CCDC13: variants seen among roughly 807,000 people sequenced by gnomAD.
CCDC13 encodes coiled-coil domain containing 13.
Under a neutral mutation model 87.3 loss-of-function variants are expected in CCDC13, and 70 were observed. That is an observed-to-expected ratio of 0.80 (90% CI 0.66 to 0.98). The LOEUF (loss-of-function observed/expected upper bound fraction) is 0.98, where lower values mean the gene tolerates loss of function less well. Among genes scored for constraint, CCDC13 ranks in the 50% least tolerant of loss-of-function variants. The probability of loss-of-function intolerance (pLI) is 0.00; values close to 1 mark genes in which losing one functional copy is unlikely to be tolerated. For missense variants in CCDC13, 842 were observed against 892.0 expected, an observed-to-expected ratio of 0.94 and a Z score of 0.71; for synonymous variants, 317 against 360.3, an observed-to-expected ratio of 0.88 and a Z score of 1.36.
At chr3:42,727,076 T>C (rs1454192078) in intron 13 of CCDC13, among the ~76,000 whole-genome samples, 1 of 152,024 alleles carries the variant, frequency 6.6e-6, no homozygotes, top group Non-Finnish European at 1.5e-5. Flanking sequence ...AATAAAGACA[T>C]TTAAAAATAA....
At chr3:42,764,126 T>G (rs779868066) in intron 1 of CCDC13, among the ~76,000 whole-genome samples, 1 of 152,202 alleles carries the variant, frequency 6.6e-6, no homozygotes, top group African/African-American at 2.4e-5. Flanking sequence ...GTTTTGATCA[T>G]GCAAATGAAG....
At chr3:42,744,280 A>T (rs1468743125) in intron 7 of CCDC13, among the ~76,000 whole-genome samples, 1 of 152,194 alleles carries the variant, frequency 6.6e-6, no homozygotes, top group Non-Finnish European at 1.5e-5. Flanking sequence ...CACCCTTATA[A>T]CGCTAGGGTA....
At chr3:42,767,532 G>T (rs772364034) in intron 1 of CCDC13, among the ~76,000 whole-genome samples, 2 of 152,166 alleles carry the variant, frequency 1.3e-5, no homozygotes, top group Non-Finnish European at 2.9e-5. Flanking sequence ...TAGATTCAAT[G>T]CAATTGCAAT....
intron 2 of CCDC13, 61 bp downstream of exon 2, chr3:42,758,062 TAC>T (rs3076826): frequency 0.17 from 163,450 of 984,496 alleles, 2,112 homozygotes; most frequent in East Asian, 0.27. Context: ...GCTCCGGTGG[TAC>T]ACACACACAC....
At chr3:42,729,222 TGAGA>T (rs1160455616) in intron 13 of CCDC13, among the ~76,000 whole-genome samples, 1 of 152,170 alleles carries the variant, frequency 6.6e-6, no homozygotes, top group African/African-American at 2.4e-5. Flanking sequence ...TCAAGAGAAA[TGAGA>T]GAGAAAGCCT....
chr3:42,761,872 C>A (rs928945777), intron 1 of CCDC13, among the ~76,000 whole-genome samples: 1 of 152,200 alleles, frequency 6.6e-6, no homozygotes, highest in Non-Finnish European at 1.5e-5. Flanking sequence ...TCCTCCTACA[C>A]CCAGCATGAA....
intron 10 of CCDC13, among the ~76,000 whole-genome samples, chr3:42,735,024 C>T (rs535938258): frequency 6.6e-6 from 1 of 152,344 alleles, no homozygotes; most frequent in Admixed American, 6.5e-5. Context: ...AAAATGACTA[C>T]ACAGCGTGAG....
At chr3:42,712,342 C>T (rs970807252) in intron 14 of CCDC13, among the ~76,000 whole-genome samples, 4 of 152,138 alleles carry the variant, frequency 2.6e-5, no homozygotes, top group African/African-American at 9.7e-5. Context: ...GAGACCCTTC[C>T]TCCCTGGGAG....
intron 13 of CCDC13, chr3:42,718,973 T>G (rs1219651653): frequency 2.6e-5 from 4 of 151,900 alleles, no homozygotes; most frequent in Admixed American, 6.6e-5. Flanking sequence ...AAAACAAAGA[T>G]GCTTGACTGA....
intron 13 of CCDC13, among the ~76,000 whole-genome samples, chr3:42,724,593 T>A (rs1166437555): frequency 6.6e-6 from 1 of 152,236 alleles, no homozygotes; most frequent in Admixed American, 6.5e-5. Context: ...AATTTGTCAA[T>A]GTATTTGATT....
intron 7 of CCDC13, 117 bp from the exon 8 acceptor site, chr3:42,743,174 G>A (rs1699276246): frequency 1.7e-6 from 2 of 1,178,704 alleles, no homozygotes; most frequent in South Asian, 1.5e-5. Context: ...GATGGCTGTG[G>A]TAGCCCCATC....
intron 13 of CCDC13, chr3:42,714,152 A>G (rs1476652353): frequency 6.6e-6 from 1 of 152,252 alleles, no homozygotes; most frequent in African/African-American, 2.4e-5. Context: ...CCTCCACAGC[A>G]ACTCTCTGAA....
chr3:42,718,321 C>T (rs1303654222), intron 13 of CCDC13, among the ~76,000 whole-genome samples: 1 of 152,178 alleles, frequency 6.6e-6, no homozygotes, highest in Non-Finnish European at 1.5e-5. Context: ...ACAGATGCCA[C>T]GGCAATGCCA....
At chr3:42,766,047 A>G (rs1699926083) in intron 1 of CCDC13, among the ~76,000 whole-genome samples, 1 of 152,086 alleles carries the variant, frequency 6.6e-6, no homozygotes, top group Admixed American at 6.6e-5. Flanking sequence ...GTAGCAGTGG[A>G]GATGGAGGAG....
intron 5 of CCDC13, chr3:42,749,870 G>A (rs1415248869): frequency 2.2e-6 from 1 of 456,610 alleles, no homozygotes; most frequent in East Asian, 6.9e-5. Context: ...GCTCCACTCT[G>A]GAATGTGCTT....
intron 13 of CCDC13, among the ~76,000 whole-genome samples, chr3:42,718,518 C>T (rs776067896): frequency 2.0e-5 from 3 of 152,126 alleles, no homozygotes; most frequent in Admixed American, 6.5e-5. Flanking sequence ...GCTGTGGACT[C>T]GCCCTGAATT....
chr3:42,730,851 G>A (rs1326030580), intron 12 of CCDC13, among the ~76,000 whole-genome samples: 4 of 152,086 alleles, frequency 2.6e-5, no homozygotes, highest in Non-Finnish European at 5.9e-5. Flanking sequence ...AGCCCTGTGG[G>A]GGCCTGGAAT....
Position 42,713,151 on chromosome 3 carries a change from C to A in CCDC13, c.1873+11G>T. 6.2e-7 allele frequency: 1 copy of A among 1,613,016 alleles called. No individual in the cohort carries two copies. Among genetic ancestry groups the A allele is most frequent in the South Asian group, 1.1e-5 (1 of 90,832 alleles). On this transcript the variant is annotated intron_variant, in intron 14 of 15. Coordinates refer to ENST00000310232, the MANE Select transcript of CCDC13 (RefSeq NM_144719.4). The stretch of plus-strand genomic sequence containing the variant: ...CACCCCCTGCACTGAGACTACTGCC[C>A]TGGCCCCTACCTGTTTTGGTCCTGG...
intron 13 of CCDC13, among the ~76,000 whole-genome samples, chr3:42,725,581 G>A (rs2125877678): frequency 6.7e-6 from 1 of 150,108 alleles, no homozygotes; most frequent in South Asian, 2.1e-4. Flanking sequence ...TACAAGTTCA[G>A]GAAAGTAGTA....
Sources: gnomAD v4.1 joint callset for allele counts (sites outside exome capture counted in the v4.1 genomes callset) on GRCh38, gnomAD v4.1.1 for gene constraint, MANE v1.5 for transcripts, NCBI Gene and HGNC (gene_info 2026-07-23, HGNC 2026-07-21) for gene names.